The following LTBP1 variants were observed in gnomAD, a reference collection of about 807,000 sequenced individuals.
The protein encoded by LTBP1 is latent-transforming growth factor beta-binding protein 1.
LTBP1 carries 129 observed loss-of-function variants against 207.6 expected under a neutral mutation model. The observed-to-expected ratio is 0.62, with a 90% CI of 0.54 to 0.72. The LOEUF (loss-of-function observed/expected upper bound fraction) is 0.72, where lower values mean the gene tolerates loss of function less well. LTBP1 is among the 30% of genes least tolerant of loss of function. The probability of loss-of-function intolerance (pLI) is 0.00; values close to 1 mark genes in which losing one functional copy is unlikely to be tolerated. For missense variants in LTBP1, 2,281 were observed against 2,217.2 expected, an observed-to-expected ratio of 1.03 and a Z score of -0.58; for synonymous variants, 963 against 833.7, an observed-to-expected ratio of 1.16 and a Z score of -2.67.
intron 2 of LTBP1, among the ~76,000 whole-genome samples, chr2:32,989,451 C>T (rs1684076690): frequency 6.6e-6 from 1 of 152,144 alleles, no homozygotes; most frequent in African/African-American, 2.4e-5. Flanking sequence ...GCAGAGGTAA[C>T]TTGGAAGGGT....
Position 33,097,957 on chromosome 2 carries a change from A to G in LTBP1, c.864-12625A>G, listed in dbSNP as rs146856352. Among the ~76,000 whole-genome samples the G allele has an allele frequency of 9.4e-3, 1,435 of 152,276 alleles. 7 individuals are homozygous for G. The highest frequency in any genetic ancestry group is 0.015 in the Non-Finnish European group (1,006 of 68,014). ...AATATATATCCTTACATACTAGACT[A>G]TTATTTCTTAAAGAATGTGATTAGT... On this transcript the variant is annotated intron_variant, in intron 3 of 33. Transcript: ENST00000404816.
chr2:32,956,337 G>A (rs1678066274), intron 2 of LTBP1, among the ~76,000 whole-genome samples: 2 of 152,114 alleles, frequency 1.3e-5, no homozygotes, highest in African/African-American at 2.4e-5. Context: ...CTTCTCAAAC[G>A]CTACTGCTGC....
chr2:33,198,987 T>A (rs535574069), intron 7 of LTBP1, among the ~76,000 whole-genome samples: 1 of 152,300 alleles, frequency 6.6e-6, no homozygotes, highest in East Asian at 1.9e-4. Flanking sequence ...TTAATTGTGA[T>A]GTTAGGGTGT....
chr2:33,147,905 T>A (rs1264645544), intron 5 of LTBP1, among the ~76,000 whole-genome samples: 1 of 152,224 alleles, frequency 6.6e-6, no homozygotes, highest in African/African-American at 2.4e-5. Context: ...AATTTTCACC[T>A]TTTTTGCTCC....
chr2:33,021,459 G>C (rs219196), intron 3 of LTBP1, among the ~76,000 whole-genome samples: 60,178 of 152,064 alleles, frequency 0.4, 13,886 homozygotes, highest in East Asian at 0.69. Flanking sequence ...AGGATTATAG[G>C]GATCAAGACT....
chr2:33,364,202 T>G lies in LTBP1; in HGVS notation c.4400-14T>G. The G allele has an allele frequency of 1.9e-6, 3 of 1,611,382 alleles. No homozygotes were observed. In the South Asian group the frequency reaches 3.3e-5, roughly 18 times the overall value. Reference sequence around the variant, plus strand: ...GGCTGATTTTCTTTAGTAATACTTTTTTTTGCTCTTAAGATATGGATGAAT... The same window carrying G: ...GGCTGATTTTCTTTAGTAATACTTTGTTTTGCTCTTAAGATATGGATGAAT... On this transcript the variant is annotated splice_polypyrimidine_tract_variant and intron_variant, in intron 29 of 33. Coordinates refer to ENST00000404816, the MANE Select transcript of LTBP1 (RefSeq NM_206943.4).
intron 4 of LTBP1, among the ~76,000 whole-genome samples, chr2:33,121,404 G>A (rs1053289670): frequency 1.3e-5 from 2 of 152,158 alleles, no homozygotes; most frequent in African/African-American, 4.8e-5. Flanking sequence ...AAAAGCATCC[G>A]GAGAGCAGGT....
intron 3 of LTBP1, among the ~76,000 whole-genome samples, chr2:33,081,985 T>C (rs1216682247): frequency 1.3e-5 from 2 of 152,162 alleles, no homozygotes; most frequent in African/African-American, 4.8e-5. Context: ...AATTAAACTT[T>C]TTTTCTTTTA....
rs369049236 is a variant in LTBP1, at chr2:33,288,527, G to T, written c.3113-4633G>T. On this transcript the variant is annotated intron_variant, in intron 19 of 33. Coordinates refer to ENST00000404816, the MANE Select transcript of LTBP1 (RefSeq NM_206943.4). Reference sequence around the variant, plus strand: ...AGAATTGATAGTTACCAGAGGATACGGAGAGAGTAATGTTCTCATTTCCCC... The same window carrying T: ...AGAATTGATAGTTACCAGAGGATACTGAGAGAGTAATGTTCTCATTTCCCC... 5.3e-5 allele frequency among the ~76,000 whole-genome samples: 8 copies of T among 152,144 alleles called. No individual in the cohort carries two copies. The East Asian group carries it at 7.7e-4, about 15-fold the overall frequency.
At chr2:33,182,210 C>T (rs975615840) in intron 5 of LTBP1, among the ~76,000 whole-genome samples, 3 of 151,954 alleles carry the variant, frequency 2.0e-5, no homozygotes, top group East Asian at 1.9e-4. Flanking sequence ...GCTGTATCCA[C>T]GTATGCTGGT....
At chr2:33,187,920 C>T (rs1223401461) in intron 6 of LTBP1, among the ~76,000 whole-genome samples, 1 of 152,054 alleles carries the variant, frequency 6.6e-6, no homozygotes, top group African/African-American at 2.4e-5. Context: ...CAAAAATAAT[C>T]AAATGCTTGA....
intron 24 of LTBP1, among the ~76,000 whole-genome samples, chr2:33,326,886 A>G (rs1015449659): frequency 1.3e-5 from 2 of 151,822 alleles, no homozygotes; most frequent in Non-Finnish European, 1.5e-5. Context: ...CTGGTCTCAA[A>G]CTCCTAACCA....
chr2:32,951,270 C>G (rs1369591877), intron 2 of LTBP1, among the ~76,000 whole-genome samples: 3 of 152,188 alleles, frequency 2.0e-5, no homozygotes, highest in Non-Finnish European at 4.4e-5. Flanking sequence ...CTGTACTTCC[C>G]AGTTTAACAA....
At chr2:33,183,047 G>T (rs2086836208) in intron 5 of LTBP1, among the ~76,000 whole-genome samples, 1 of 152,108 alleles carries the variant, frequency 6.6e-6, no homozygotes, top group African/African-American at 2.4e-5. Flanking sequence ...GCTTTTCATT[G>T]TATAACTGAT....
intron 2 of LTBP1, among the ~76,000 whole-genome samples, chr2:32,998,314 G>A (rs1001291881): frequency 1.3e-5 from 2 of 151,576 alleles, no homozygotes; most frequent in African/African-American, 2.4e-5. Context: ...TCAGGAGATC[G>A]AGACCATCCT....
intron 3 of LTBP1, among the ~76,000 whole-genome samples, chr2:33,071,581 G>T (rs546469365): frequency 3.3e-5 from 5 of 152,136 alleles, no homozygotes; most frequent in African/African-American, 1.2e-4. Context: ...AATCAGAAGG[G>T]TGTGGTCCAC....
At chr2:33,319,113 T>C (rs544674516) in intron 24 of LTBP1, among the ~76,000 whole-genome samples, 40 of 152,082 alleles carry the variant, frequency 2.6e-4, no homozygotes, top group African/African-American at 9.4e-4. Context: ...AAACAAAAAA[T>C]CTGACCAGGC....
intron 3 of LTBP1, among the ~76,000 whole-genome samples, chr2:33,036,431 C>T (rs1300324486): frequency 1.3e-5 from 2 of 151,556 alleles, no homozygotes; most frequent in East Asian, 3.9e-4. Context: ...TAGTGTTTTG[C>T]TGTTACAACA....
intron 5 of LTBP1, among the ~76,000 whole-genome samples, chr2:33,148,048 A>C (rs1319829923): frequency 6.6e-6 from 1 of 152,206 alleles, no homozygotes; most frequent in Non-Finnish European, 1.5e-5. Context: ...AGTCTGCACA[A>C]TATCTCAGCA....
Sources: allele counts gnomAD v4.1 joint callset (sites outside exome capture counted in the v4.1 genomes callset), GRCh38; gene constraint gnomAD v4.1.1; transcripts MANE v1.5; gene names NCBI Gene and HGNC (gene_info 2026-07-23, HGNC 2026-07-21).